DNAH11: variants seen among roughly 807,000 people sequenced by gnomAD.
The protein encoded by DNAH11 is dynein axonemal heavy chain 11.
Under a neutral mutation model 526.0 loss-of-function variants are expected in DNAH11, and 442 were observed. The observed-to-expected ratio is 0.84, with a 90% CI of 0.78 to 0.91. The LOEUF is 0.91. Ranked by LOEUF, DNAH11 falls within the 40% of genes least tolerant of loss-of-function variation. The pLI, the probability that DNAH11 is intolerant of heterozygous loss-of-function variation, is 0.00. For missense variants in DNAH11, 6,989 were observed against 5,448.7 expected (o/e 1.28, Z -8.90); for synonymous variants, 2,461 against 1,935.9 (o/e 1.27, Z -7.12).
chr7:21,836,032 A>G (rs1360276809), intron 65 of DNAH11, among the ~76,000 whole-genome samples: 1 of 152,124 alleles, frequency 6.6e-6, no homozygotes, highest in East Asian at 1.9e-4. Context: ...AAAACCTAAG[A>G]AATTTAACCA....
At chr7:21,549,460 T>C (rs926132050) in intron 2 of DNAH11, among the ~76,000 whole-genome samples, 1 of 152,182 alleles carries the variant, frequency 6.6e-6, no homozygotes, top group African/African-American at 2.4e-5. Flanking sequence ...CTAAAGCGTT[T>C]ATTATGGTTT....
chr7:21,591,550 T>C lies in DNAH11; in HGVS notation c.2640T>C (p.Asp880=). The C allele has an allele frequency of 1.9e-6, 3 of 1,581,198 alleles. No homozygotes were observed. The highest frequency in any genetic ancestry group is 1.7e-6 in the Non-Finnish European group (2 of 1,159,254). ...AAAAATACAAGTTAATCCAAGGAGA[T>C]GGCTGCAAGATCCACAACTTGGTCG... ...FTKKYKLIQG[D]GCKIHNLVEE... The change falls in exon 14 of 82, where the codon GAT becomes GAC. Residue 880 remains aspartate (D), a synonymous_variant. Coordinates refer to ENST00000409508, the MANE Select transcript of DNAH11 (RefSeq NM_001277115.2).
intron 77 of DNAH11, 141 bp from the exon 78 acceptor site, chr7:21,894,482 A>G (rs1697111495): frequency 1.2e-6 from 1 of 803,106 alleles, no homozygotes; most frequent in Non-Finnish European, 1.9e-6. Flanking sequence ...TGGGAGCCGT[A>G]GGCATCCTTC....
intron 56 of DNAH11, among the ~76,000 whole-genome samples, chr7:21,777,221 T>A (rs1432561018): frequency 6.6e-6 from 1 of 152,172 alleles, no homozygotes; most frequent in African/African-American, 2.4e-5. Context: ...TCAGCATAAT[T>A]CCCCTGAGAT....
chr7:21,648,404 G>T (rs1220475205), intron 28 of DNAH11, among the ~76,000 whole-genome samples: 1 of 152,134 alleles, frequency 6.6e-6, no homozygotes, highest in Non-Finnish European at 1.5e-5. Flanking sequence ...GCAAAAGCTT[G>T]AAAATTTTTT....
chr7:21,702,338 A>G (rs1001291315), intron 36 of DNAH11, among the ~76,000 whole-genome samples: 2 of 152,128 alleles, frequency 1.3e-5, no homozygotes, highest in South Asian at 4.2e-4. Context: ...CCTTGATGAA[A>G]CCAGCACAGG....
At position 21,901,264 on chromosome 7, in the gene DNAH11, G is replaced by A; in HGVS notation, c.*10G>A. 1.9e-6 allele frequency: 3 copies of A among 1,595,302 alleles called. No individual in the cohort carries two copies. The highest frequency in any genetic ancestry group is 2.6e-6 in the Non-Finnish European group (3 of 1,170,964). ...GCTTCTAGAAGCGTAAGGTAACACT[G>A]GCATTCCTCTAGCCTCTGCTGGAGT... On this transcript the variant is annotated 3_prime_UTR_variant, in exon 82 of 82. Coordinates refer to ENST00000409508, the MANE Select transcript of DNAH11 (RefSeq NM_001277115.2).
At chr7:21,658,202 A>G (rs1380216842) in intron 29 of DNAH11, among the ~76,000 whole-genome samples, 1 of 152,004 alleles carries the variant, frequency 6.6e-6, no homozygotes, top group Non-Finnish European at 1.5e-5. Context: ...CAGTTGTCCT[A>G]TGTCTAATAC....
In DNAH11 at chr7:21,589,438, G is replaced by T. The variant is rs899999084; in HGVS notation, c.2169+35G>T. 4.0e-6 allele frequency: 6 copies of T among 1,510,256 alleles called. No individual in the cohort carries two copies. In the African/African-American group the frequency reaches 5.6e-5, roughly 14 times the overall value. The allele number at this position is 1,510,256 out of a possible 1,614,324, so 93.6% of individuals were successfully genotyped here. On this transcript the variant is annotated intron_variant, in intron 12 of 81. Transcript: ENST00000409508. ...TGATTTTTTAAGATGATTTATAAGTGCCCTTTTTATTATAAGCCTATTTCT... is the reference window on the plus strand; with the variant it reads ...TGATTTTTTAAGATGATTTATAAGTTCCCTTTTTATTATAAGCCTATTTCT...
At chr7:21,680,644 T>C (rs967075773) in intron 30 of DNAH11, among the ~76,000 whole-genome samples, 6 of 152,238 alleles carry the variant, frequency 3.9e-5, no homozygotes, top group African/African-American at 1.2e-4. Flanking sequence ...GAATTGTCAT[T>C]CATGGCATTC....
chr7:21,899,447 T>A lies in DNAH11; in HGVS notation c.13161T>A (p.Thr4387=). The A allele has an allele frequency of 6.2e-7, 1 of 1,611,740 alleles. No individual in the cohort carries two copies. Among genetic ancestry groups the A allele is most frequent in the Non-Finnish European group, 8.5e-7 (1 of 1,178,020 alleles). ...TCTTCAACCCTCAGTCCTTCTTAAC[T>A]GGTAAGGGCTGACGCAGTGCAGCCC... ...SGFFNPQSFL[T]AIMQTMARKN... The change falls in exon 80 of 82, where the codon ACT becomes ACA. Residue 4387 remains threonine (T), a splice_region_variant and synonymous_variant. Transcript: ENST00000409508.
chr7:21,878,578 G>A (rs769454765), intron 74 of DNAH11, among the ~76,000 whole-genome samples: 32 of 152,010 alleles, frequency 2.1e-4, no homozygotes, highest in Non-Finnish European at 4.3e-4. Context: ...ATTTTTTAAT[G>A]ATTGTATATT....
intron 9 of DNAH11, among the ~76,000 whole-genome samples, chr7:21,587,658 C>T (rs571376703): frequency 2.0e-5 from 3 of 151,892 alleles, no homozygotes; most frequent in Middle Eastern, 3.4e-3. Context: ...ACCTAGAGGG[C>T]CTTAATATGG....
chr7:21,571,207 A>G (rs756479412), intron 7 of DNAH11, among the ~76,000 whole-genome samples: 1 of 152,196 alleles, frequency 6.6e-6, no homozygotes, highest in Non-Finnish European at 1.5e-5. Flanking sequence ...ACTTACGTTT[A>G]GGAAGATATA....
At position 21,637,849 on chromosome 7, in the gene DNAH11, C is replaced by T. The variant is rs17144825; in HGVS notation, c.4817+147C>T. 8,474 of 478,640 alleles carry T rather than the reference C, an allele frequency of 0.018. 311 individuals carry two copies. Among genetic ancestry groups the T allele is most frequent in the African/African-American group, 0.081 (4,073 of 50,384 alleles). 29.6% of individuals were successfully genotyped at this position (478,640 alleles called of 1,614,324 possible). On this transcript the variant is annotated intron_variant, in intron 27 of 81. Coordinates refer to ENST00000409508, the MANE Select transcript of DNAH11 (RefSeq NM_001277115.2). ...TTTGCTTATAATTATCTAGTTGTCTCGTACATATGACATGGAACATATATA... is the reference window on the plus strand; with the variant it reads ...TTTGCTTATAATTATCTAGTTGTCTTGTACATATGACATGGAACATATATA...
In DNAH11 at chr7:21,635,957, A is replaced by C; in HGVS notation, c.4587A>C (p.Ala1529=). Residue 1529 remains alanine (A), a synonymous_variant, in exon 26 of 82, where the codon GCA becomes GCC. Coordinates refer to ENST00000409508, the MANE Select transcript of DNAH11 (RefSeq NM_001277115.2). ...VLSWQNKLNI[A]DLVIFTWMEV... Reference sequence around the variant, plus strand: ...GCTGGCAAAATAAATTAAACATAGCAGACTTGGTCATCTTCACTTGGATGG... The same window carrying C: ...GCTGGCAAAATAAATTAAACATAGCCGACTTGGTCATCTTCACTTGGATGG... The C allele has an allele frequency of 6.2e-7, 1 of 1,613,636 alleles. No homozygotes were observed. Among genetic ancestry groups the C allele is most frequent in the Non-Finnish European group, 8.5e-7 (1 of 1,179,726 alleles).
Position 21,725,785 on chromosome 7 carries a change from A to G in DNAH11, c.7267-26A>G, listed in dbSNP as rs16872872. 13,213 of 1,591,358 alleles carry G rather than the reference A, an allele frequency of 8.3e-3. 1,265 individuals carry two copies. The East Asian group carries it at 0.22, about 27-fold the overall frequency. On this transcript the variant is annotated intron_variant, in intron 44 of 81. Coordinates refer to ENST00000409508, the MANE Select transcript of DNAH11 (RefSeq NM_001277115.2). ...CAGTTTTAATTACTTTGAGTCTGCA[A>G]TAAGGATTTCTTTTGTTCTCCTTAG...
At chr7:21,577,138 T>C (rs925177217) in intron 8 of DNAH11, among the ~76,000 whole-genome samples, 1 of 152,170 alleles carries the variant, frequency 6.6e-6, no homozygotes, top group Non-Finnish European at 1.5e-5. Context: ...AACCAGGAAA[T>C]GCCAGTGGGC....
chr7:21,739,504 A>G, intron 47 of DNAH11, 67 bp from the exon 48 acceptor site: 1 of 1,186,124 alleles, frequency 8.4e-7, no homozygotes, highest in Non-Finnish European at 1.2e-6. Flanking sequence ...ACCTTTATGA[A>G]CTGTTAGATT....
Sources: allele counts gnomAD v4.1 joint callset (sites outside exome capture counted in the v4.1 genomes callset), GRCh38; gene constraint gnomAD v4.1.1; transcripts MANE v1.5; gene names NCBI Gene and HGNC (gene_info 2026-07-23, HGNC 2026-07-21).